MBNL1: variants seen among roughly 807,000 people sequenced by gnomAD.
The protein encoded by MBNL1 is muscleblind like splicing regulator 1.
MBNL1 carries 8 observed loss-of-function variants against 42.2 expected under a neutral mutation model. The observed-to-expected ratio is 0.19, with a 90% CI of 0.11 to 0.34. The LOEUF (loss-of-function observed/expected upper bound fraction) is 0.34. Ranked by LOEUF, MBNL1 falls within the 10% of genes least tolerant of loss-of-function variation. The pLI is 1.00. For missense variants in MBNL1, 309 were observed against 495.3 expected (o/e 0.62, Z 3.57); for synonymous variants, 169 against 173.9 (o/e 0.97, Z 0.22).
chr3:152,244,277 T>G (rs900168292), intron 1 of MBNL1: 1 of 152,208 alleles, frequency 6.6e-6, no homozygotes, highest in African/African-American at 2.4e-5. Flanking sequence ...GCATAATGAC[T>G]GTTATTTCAT....
At chr3:152,378,883 A>C (rs149435440) in intron 2 of MBNL1, among the ~76,000 whole-genome samples, 46 of 151,740 alleles carry the variant, frequency 3.0e-4, no homozygotes, top group Middle Eastern at 3.4e-3. Context: ...TGCCTGGCTG[A>C]TAATTGCATT....
At chr3:152,440,698 A>AT (rs1016291109) in intron 4 of MBNL1, among the ~76,000 whole-genome samples, 1 of 152,254 alleles carries the variant, frequency 6.6e-6, no homozygotes, top group Non-Finnish European at 1.5e-5. Flanking sequence ...CTACAGTTAC[A>AT]TTTACCTAAT....
intron 2 of MBNL1, among the ~76,000 whole-genome samples, chr3:152,362,303 G>A (rs2096026966): frequency 6.6e-6 from 1 of 152,190 alleles, no homozygotes; most frequent in Non-Finnish European, 1.5e-5. Flanking sequence ...GGCAGGATCA[G>A]CAGGCTGCAG....
chr3:152,307,076 G>A (rs925873571), intron 2 of MBNL1, among the ~76,000 whole-genome samples: 7 of 147,302 alleles, frequency 4.8e-5, no homozygotes, highest in Middle Eastern at 3.2e-3. Context: ...TGTAACCTTC[G>A]CCTCCCACGT....
chr3:152,355,822 A>G (rs1297309588), intron 2 of MBNL1, among the ~76,000 whole-genome samples: 4 of 152,188 alleles, frequency 2.6e-5, no homozygotes, highest in African/African-American at 9.7e-5. Context: ...TTTCCCCAAG[A>G]ATGATTTCAT....
intron 2 of MBNL1, among the ~76,000 whole-genome samples, chr3:152,260,643 A>T (rs558522436): frequency 6.6e-6 from 1 of 152,212 alleles, no homozygotes; most frequent in Non-Finnish European, 1.5e-5. Context: ...GGGGGTGCTT[A>T]TAATCACAAT....
At chr3:152,277,056 A>T (rs2045643218) in intron 1 of MBNL1, among the ~76,000 whole-genome samples, 1 of 152,194 alleles carries the variant, frequency 6.6e-6, no homozygotes, top group Admixed American at 6.5e-5. Flanking sequence ...AAAACTTTTA[A>T]TCAATCAAAA....
chr3:152,351,949 C>G (rs1053668339), intron 2 of MBNL1, among the ~76,000 whole-genome samples: 1 of 152,118 alleles, frequency 6.6e-6, no homozygotes, highest in Non-Finnish European at 1.5e-5. Context: ...TACTTGGTCT[C>G]TACTAATCCA....
At chr3:152,361,269 A>G (rs2095920397) in intron 2 of MBNL1, among the ~76,000 whole-genome samples, 2 of 152,044 alleles carry the variant, frequency 1.3e-5, no homozygotes, top group Non-Finnish European at 2.9e-5. Flanking sequence ...GAGAGACAGA[A>G]GATTATCCAA....
upstream of MBNL1, chr3:152,268,814 A>T (rs1355993263): frequency 2.2e-6 from 1 of 446,654 alleles, no homozygotes; most frequent in South Asian, 1.6e-5. Context: ...GTGCATTAGG[A>T]GCTCGACGAG....
intron 2 of MBNL1, among the ~76,000 whole-genome samples, chr3:152,311,041 C>T (rs1018836352): frequency 7.7e-6 from 1 of 130,476 alleles, no homozygotes; most frequent in African/African-American, 2.9e-5. Context: ...CAGAGTCCCA[C>T]TCTGTCGCTC....
chr3:152,314,609 A>T (rs2069420856), intron 2 of MBNL1, among the ~76,000 whole-genome samples: 1 of 152,166 alleles, frequency 6.6e-6, no homozygotes, highest in Non-Finnish European at 1.5e-5. Flanking sequence ...TTCCAACCTC[A>T]GGCGATCCGC....
At chr3:152,414,854 C>T in intron 2 of MBNL1, 87 bp from the exon 3 acceptor site, 1 of 1,318,346 alleles carries the variant, frequency 7.6e-7, no homozygotes. Flanking sequence ...ATGATACATT[C>T]AAGTGGGTGG....
intron 1 of MBNL1, among the ~76,000 whole-genome samples, chr3:152,287,045 C>T (rs1375952684): frequency 2.6e-5 from 4 of 151,940 alleles, no homozygotes; most frequent in Non-Finnish European, 5.9e-5. Context: ...TGGTGAAACC[C>T]CGTCTCTACT....
chr3:152,461,270 A>G (rs1323932229), intron 9 of MBNL1, among the ~76,000 whole-genome samples: 1 of 152,260 alleles, frequency 6.6e-6, no homozygotes, highest in African/African-American at 2.4e-5. Flanking sequence ...ATATGCTGCA[A>G]TCGTGAATTA....
upstream of MBNL1, chr3:152,268,774 A>G: frequency 2.2e-6 from 1 of 452,098 alleles, no homozygotes; most frequent in Non-Finnish European, 4.4e-6. Context: ...GCGCCGGCGG[A>G]AAGTTGAAGA....
At position 152,445,416 on chromosome 3, in the gene MBNL1, A is replaced by G. The variant is rs1357816657; in HGVS notation, c.684A>G (p.Arg228=). ...VTVCMDYIKG[R]CSREKCKYFH... is the part of the protein sequence containing the mutation. ...TGTGTATGGATTACATCAAAGGGAG[A>G]TGCTCTCGGGAAAAGTGCAAATACT... The change falls in exon 5 of 10, where the codon AGA becomes AGG. Residue 228 remains arginine, a synonymous_variant. Coordinates refer to ENST00000324210, the MANE Select transcript of MBNL1 (RefSeq NM_021038.5). 1.2e-6 allele frequency: 2 copies of G among 1,613,250 alleles called. No individual in the cohort carries two copies. The highest frequency in any genetic ancestry group is 2.7e-5 in the African/African-American group (2 of 74,854).
intron 2 of MBNL1, among the ~76,000 whole-genome samples, chr3:152,341,976 C>T (rs1331116538): frequency 1.3e-5 from 2 of 152,072 alleles, no homozygotes; most frequent in Non-Finnish European, 2.9e-5. Flanking sequence ...GTATGGATTA[C>T]CTTTTACCTT....
chr3:152,262,648 G>T (rs1021393714), intron 2 of MBNL1: 5 of 152,204 alleles, frequency 3.3e-5, no homozygotes, highest in Non-Finnish European at 7.4e-5. Flanking sequence ...ATATGGAACA[G>T]TGTTACTACG....
Sources: gnomAD v4.1 joint callset for allele counts (sites outside exome capture counted in the v4.1 genomes callset) on GRCh38, gnomAD v4.1.1 for gene constraint, MANE v1.5 for transcripts, NCBI Gene and HGNC (gene_info 2026-07-23, HGNC 2026-07-21) for gene names.